ACACA: variants seen among roughly 807,000 people sequenced by gnomAD.
The protein encoded by ACACA is acetyl-CoA carboxylase alpha.
Under a neutral mutation model 296.1 loss-of-function variants are expected in ACACA, and 103 were observed. That is an observed-to-expected ratio of 0.35 (90% confidence interval 0.30 to 0.41). The LOEUF (loss-of-function observed/expected upper bound fraction) is 0.41, where lower values mean the gene tolerates loss of function less well. Ranked by LOEUF, ACACA falls within the 10% of genes least tolerant of loss-of-function variation. ACACA has a pLI of 1.00. For missense variants in ACACA, 1,554 were observed against 2,989.7 expected (o/e 0.52, Z 11.20); for synonymous variants, 953 against 1,038.6 (o/e 0.92, Z 1.58).
intron 2 of ACACA, among the ~76,000 whole-genome samples, chr17:37,336,271 C>T (rs537913558): frequency 3.7e-4 from 56 of 152,230 alleles, no homozygotes; most frequent in African/African-American, 1.3e-3. Context: ...ACCTCTACTA[C>T]GCCCCAATTC....
intron 24 of ACACA, among the ~76,000 whole-genome samples, chr17:37,239,882 A>G (rs114855201): frequency 0.02 from 3,114 of 152,324 alleles, 104 homozygotes; most frequent in African/African-American, 0.071. Flanking sequence ...AATGTTTCAA[A>G]TTCTGTGATG....
intron 1 of ACACA, chr17:37,389,160 C>T (rs2050678410): frequency 6.8e-7 from 1 of 1,468,142 alleles, no homozygotes; most frequent in African/African-American, 1.4e-5. Flanking sequence ...AGATGGCTTC[C>T]TTTAAGTTGC....
At chr17:37,262,875 G>A (rs899927502) in intron 11 of ACACA, among the ~76,000 whole-genome samples, 2 of 152,012 alleles carry the variant, frequency 1.3e-5, no homozygotes, top group African/African-American at 2.4e-5. Flanking sequence ...GAGTACAGAC[G>A]TGTGCCATGA....
intron 45 of ACACA, among the ~76,000 whole-genome samples, chr17:37,147,292 C>T (rs972549228): frequency 1.3e-5 from 2 of 152,084 alleles, no homozygotes; most frequent in African/African-American, 2.4e-5. Context: ...CACACATGAA[C>T]ACACAGGGCG....
intron 3 of ACACA, among the ~76,000 whole-genome samples, chr17:37,312,752 C>T (rs767007108): frequency 9.2e-5 from 14 of 152,014 alleles, no homozygotes; most frequent in African/African-American, 2.9e-4. Context: ...GGCAGCTGGG[C>T]CCGGTGGCTC....
chr17:37,167,518 C>T (rs1322735750), intron 41 of ACACA, among the ~76,000 whole-genome samples: 2 of 151,578 alleles, frequency 1.3e-5, no homozygotes, highest in Admixed American at 6.6e-5. Flanking sequence ...GGGATTTCAC[C>T]ATGTTGGCCA....
rs2072244217 is a variant in ACACA at position 37,086,958 on chromosome 17, A to G, written c.*358T>C. 3 of 361,876 alleles carry G rather than the reference A, an allele frequency of 8.3e-6. No individual in the cohort carries two copies. Among genetic ancestry groups the G allele is most frequent in the South Asian group, 7.3e-5 (3 of 41,052 alleles). The allele number at this position is 361,876 out of a possible 1,614,324, so 22.4% of individuals were successfully genotyped here. The stretch of plus-strand genomic sequence containing the variant: ...GCTGGGCAACTCCTCACGCTTCCCC[A>G]TGCTGGGAGGCCAAGGGGCTGTCAG... On this transcript the variant is annotated 3_prime_UTR_variant, in exon 56 of 56. Coordinates refer to ENST00000616317, the MANE Select transcript of ACACA (RefSeq NM_198834.3).
intron 45 of ACACA, among the ~76,000 whole-genome samples, chr17:37,134,683 A>G (rs534312168): frequency 6.6e-6 from 1 of 152,290 alleles, no homozygotes; most frequent in South Asian, 2.1e-4. Context: ...GGGTCAGGAC[A>G]TCTATTTAAG....
intron 1 of ACACA, among the ~76,000 whole-genome samples, chr17:37,352,640 G>C (rs1410893397): frequency 6.6e-6 from 1 of 151,864 alleles, no homozygotes; most frequent in African/African-American, 2.4e-5. Context: ...GATCACTTGA[G>C]CCTGACAGGT....
chr17:37,381,771 G>A (rs1007997912), intron 1 of ACACA, among the ~76,000 whole-genome samples: 1 of 151,622 alleles, frequency 6.6e-6, no homozygotes, highest in Non-Finnish European at 1.5e-5. Context: ...GGGACTACAG[G>A]CACTCGCCAC....
chr17:37,142,943 C>G (rs1413282354), intron 45 of ACACA, among the ~76,000 whole-genome samples: 1 of 152,142 alleles, frequency 6.6e-6, no homozygotes. Context: ...TTTCCAGAAC[C>G]AGGATAAGAA....
intron 1 of ACACA, among the ~76,000 whole-genome samples, chr17:37,348,152 C>CAAAAAAAAAAA (rs200582345): frequency 1.0e-5 from 1 of 97,120 alleles, no homozygotes. Context: ...CTCTGTCTCT[C>CAAAAAAAAAAA]AAAAAAAAAA....
At chr17:37,344,982 G>T (rs994216380) in intron 1 of ACACA, among the ~76,000 whole-genome samples, 1 of 152,170 alleles carries the variant, frequency 6.6e-6, no homozygotes, top group Admixed American at 6.5e-5. Context: ...ACAGTAAGGG[G>T]CAGGGTACAA....
intron 39 of ACACA, among the ~76,000 whole-genome samples, chr17:37,186,311 TAGC>T (rs2077527871): frequency 6.6e-6 from 1 of 152,226 alleles, no homozygotes; most frequent in Non-Finnish European, 1.5e-5. Flanking sequence ...TTATTTATAA[TAGC>T]ACATATTTGC....
rs2072157686 is a variant in ACACA, at chr17:37,085,750, G to C, written c.*1566C>G. On this transcript the variant is annotated 3_prime_UTR_variant, in exon 56 of 56. Transcript: ENST00000616317. ...AAAGTCCAGCCAATCTATCCGCACA[G>C]ATTCCTCCTGAAGAAGGGGAGGTGG... 2.5e-6 allele frequency: 1 copy of C among 399,178 alleles called. No homozygotes were observed. The highest frequency in any genetic ancestry group is 2.1e-5 in the African/African-American group (1 of 48,630). 24.7% of individuals were successfully genotyped at this position (399,178 alleles called of 1,614,324 possible).
chr17:37,107,636 G>GGGCGCAGTGCGGTGCTGCATGGCAGGC (rs1567668253), intron 52 of ACACA, among the ~76,000 whole-genome samples: 2 of 152,236 alleles, frequency 1.3e-5, no homozygotes, highest in African/African-American at 4.8e-5. Flanking sequence ...TGTTCTGTGT[G>GGGCGCAGTGCGGTGCTGCATGGCAGGC]GGCGCAGTGC....
intron 55 of ACACA, among the ~76,000 whole-genome samples, chr17:37,088,634 A>T (rs2142458445): frequency 6.6e-6 from 1 of 152,308 alleles, no homozygotes; most frequent in South Asian, 2.1e-4. Flanking sequence ...CCACACACAC[A>T]ATCAGCTTTC....
intron 1 of ACACA, among the ~76,000 whole-genome samples, chr17:37,376,665 C>T (rs1330825729): frequency 1.3e-5 from 2 of 152,086 alleles, no homozygotes; most frequent in Admixed American, 1.3e-4. Context: ...CTAAAATTAG[C>T]TAATCAAGGC....
intron 1 of ACACA, among the ~76,000 whole-genome samples, chr17:37,353,107 T>C (rs927437128): frequency 1.3e-5 from 2 of 152,216 alleles, no homozygotes; most frequent in Non-Finnish European, 2.9e-5. Flanking sequence ...TATTAAGTTA[T>C]TGAATTTTGA....
Sources: allele counts gnomAD v4.1 joint callset (sites outside exome capture counted in the v4.1 genomes callset), GRCh38; gene constraint gnomAD v4.1.1; transcripts MANE v1.5; gene names NCBI Gene and HGNC (gene_info 2026-07-23, HGNC 2026-07-21).